Variants in SHANK2 observed in about 807,000 individuals in gnomAD.
SHANK2 encodes SH3 and multiple ankyrin repeat domains protein 2.
A neutral mutation model predicts 133.7 loss-of-function variants in SHANK2; 43 were observed. The ratio of observed to expected loss-of-function variants is 0.32; its 90% CI spans 0.25 to 0.41. SHANK2 has a LOEUF of 0.41. Among genes scored for constraint, SHANK2 ranks in the 10% least tolerant of loss-of-function variants. The pLI is 1.00. For missense variants in SHANK2, 1,994 were observed against 2,235.8 expected (o/e 0.89, Z 2.18); for synonymous variants, 1,017 against 952.8 (o/e 1.07, Z -1.24).
intron 17 of SHANK2, among the ~76,000 whole-genome samples, chr11:70,623,865 T>C (rs2060867352): frequency 6.6e-6 from 1 of 152,020 alleles, no homozygotes; most frequent in East Asian, 1.9e-4. Flanking sequence ...GCTGTCAGCA[T>C]TATGAAGGTC....
chr11:71,191,180 GA>G (rs1260029408), intron 2 of SHANK2, among the ~76,000 whole-genome samples: 61 of 145,888 alleles, frequency 4.2e-4, no homozygotes, highest in South Asian at 1.5e-3. Context: ...AAAGAAAAAA[GA>G]AAAAAAAAAT....
intron 17 of SHANK2, among the ~76,000 whole-genome samples, chr11:70,625,672 T>C (rs2060894728): frequency 6.6e-6 from 1 of 151,868 alleles, no homozygotes; most frequent in African/African-American, 2.4e-5. Context: ...CAGTGGAGGA[T>C]GTGGGCTCTG....
intron 17 of SHANK2, chr11:70,633,490 A>G (rs1219370767): frequency 1.3e-5 from 2 of 152,208 alleles, no homozygotes; most frequent in African/African-American, 4.8e-5. Flanking sequence ...TTGACAATGA[A>G]AAAGAAAGAA....
intron 11 of SHANK2, among the ~76,000 whole-genome samples, chr11:70,868,105 A>G (rs1444913659): frequency 6.6e-6 from 1 of 152,250 alleles, no homozygotes; most frequent in Non-Finnish European, 1.5e-5. Context: ...TTAGCATTTG[A>G]CAGCATAATT....
chr11:70,832,647 A>G (rs1948742550), intron 11 of SHANK2, among the ~76,000 whole-genome samples: 1 of 152,198 alleles, frequency 6.6e-6, no homozygotes. Context: ...TAGGTTCACC[A>G]GGCTGCTCTC....
chr11:71,106,987 T>C (rs1951811481), intron 6 of SHANK2, among the ~76,000 whole-genome samples: 1 of 152,080 alleles, frequency 6.6e-6, no homozygotes, highest in South Asian at 2.1e-4. Flanking sequence ...TGGTGCCACA[T>C]GCCTGTAGTC....
chr11:70,654,080 G>A (rs1320378387), intron 17 of SHANK2: 7 of 152,212 alleles, frequency 4.6e-5, no homozygotes, highest in African/African-American at 1.7e-4. Flanking sequence ...TAGCAAACTC[G>A]AGCACCACTT....
chr11:70,502,942 G>A lies in SHANK2; in HGVS notation c.2062-11C>T. ...ATTCTCATTGTTAACCTGTGGGAAGGCGGAGAGGATGGCATCAGTGAGAGC... is the reference window on the plus strand; with the variant it reads ...ATTCTCATTGTTAACCTGTGGGAAGACGGAGAGGATGGCATCAGTGAGAGC... On this transcript the variant is annotated splice_polypyrimidine_tract_variant and intron_variant, in intron 17 of 25. Transcript: ENST00000601538. The A allele has an allele frequency of 6.2e-7, 1 of 1,614,092 alleles. No individual in the cohort carries two copies. The highest frequency in any genetic ancestry group is 8.5e-7 in the Non-Finnish European group (1 of 1,179,982).
At chr11:70,495,754 C>A in intron 21 of SHANK2, 1 of 181,658 alleles carries the variant, frequency 5.5e-6, no homozygotes, top group Non-Finnish European at 1.2e-5. Context: ...AGGGATGCCA[C>A]CAAGTTAGGG....
At chr11:71,086,359 T>C (rs1375391040) in intron 8 of SHANK2, among the ~76,000 whole-genome samples, 2 of 126,888 alleles carry the variant, frequency 1.6e-5, no homozygotes, top group Non-Finnish European at 3.1e-5. Context: ...GTATATGTTA[T>C]ATTATATATG....
chr11:70,482,399 G>A (rs1046727459), intron 25 of SHANK2, among the ~76,000 whole-genome samples: 1 of 152,226 alleles, frequency 6.6e-6, no homozygotes, highest in African/African-American at 2.4e-5. Context: ...CCCCGCCCGC[G>A]GCAGTCTCAG....
At chr11:70,881,245 C>G (rs183233160) in intron 11 of SHANK2, among the ~76,000 whole-genome samples, 12 of 152,148 alleles carry the variant, frequency 7.9e-5, no homozygotes, top group Non-Finnish European at 1.5e-4. Flanking sequence ...TGAAGTCTCA[C>G]CATCTCACCC....
At chr11:70,530,319 C>T (rs12419914) in intron 17 of SHANK2, among the ~76,000 whole-genome samples, 65,661 of 152,020 alleles carry the variant, frequency 0.43, 17,269 homozygotes, top group Non-Finnish European at 0.58. Context: ...AAACAATCCT[C>T]GCACCCAGGA....
At chr11:70,710,390 G>A (rs1945757636) in intron 14 of SHANK2, among the ~76,000 whole-genome samples, 1 of 152,198 alleles carries the variant, frequency 6.6e-6, no homozygotes, top group African/African-American at 2.4e-5. Flanking sequence ...TATGGAATGG[G>A]GTAGGAGGGA....
intron 14 of SHANK2, among the ~76,000 whole-genome samples, chr11:70,731,705 C>T (rs1259277709): frequency 6.6e-6 from 1 of 152,216 alleles, no homozygotes; most frequent in Non-Finnish European, 1.5e-5. Context: ...GATAGTGCTG[C>T]TGTGAACATC....
At chr11:70,910,007 C>T (rs78441125) in intron 10 of SHANK2, among the ~76,000 whole-genome samples, 7,535 of 152,250 alleles carry the variant, frequency 0.049, 342 homozygotes, top group African/African-American at 0.11. Context: ...GTCTCCTTGG[C>T]TTGCACTGGG....
chr11:70,856,040 T>C (rs1555066765), intron 11 of SHANK2, among the ~76,000 whole-genome samples: 1 of 151,438 alleles, frequency 6.6e-6, no homozygotes, highest in African/African-American at 2.4e-5. Context: ...GATGGATGGA[T>C]AAATGAACAG....
At chr11:70,701,758 C>T (rs1555023724) in intron 14 of SHANK2, among the ~76,000 whole-genome samples, 1 of 152,168 alleles carries the variant, frequency 6.6e-6, no homozygotes, top group African/African-American at 2.4e-5. Context: ...GCAGGAATCC[C>T]CCTGCACAGG....
chr11:70,753,827 T>TGTGTGTGTGTGTGTGTGTGTG (rs1555038016), intron 14 of SHANK2, among the ~76,000 whole-genome samples: 2 of 151,684 alleles, frequency 1.3e-5, no homozygotes, highest in Non-Finnish European at 2.9e-5. Flanking sequence ...TGTGTGTGTG[T>TGTGTGTGTGTGTGTGTGTGTG]TTGAGACAGA....
Sources: gnomAD v4.1 joint callset for allele counts (sites outside exome capture counted in the v4.1 genomes callset) on GRCh38, gnomAD v4.1.1 for gene constraint, MANE v1.5 for transcripts, NCBI Gene and HGNC (gene_info 2026-07-23, HGNC 2026-07-21) for gene names.